The following RNF41 variants were observed in gnomAD, a reference collection of about 807,000 sequenced individuals.
RNF41 encodes the protein E3 ubiquitin-protein ligase NRDP1.
A neutral mutation model predicts 33.0 loss-of-function variants in RNF41; 4 were observed. The ratio of observed to expected loss-of-function variants is 0.12; its 90% CI spans 0.06 to 0.28. RNF41 has a LOEUF of 0.28. RNF41 is among the 10% of genes least tolerant of loss of function. The probability of loss-of-function intolerance (pLI) is 1.00; values close to 1 mark genes in which losing one functional copy is unlikely to be tolerated. For missense variants in RNF41, 228 were observed against 432.6 expected, an observed-to-expected ratio of 0.53 and a Z score of 4.19; for synonymous variants, 164 against 153.2, an observed-to-expected ratio of 1.07 and a Z score of -0.52.
Position 56,207,615 on chromosome 12 carries a change from G to A in RNF41, c.602+31C>T, listed in dbSNP as rs752014483. The A allele has an allele frequency of 6.7e-6, 10 of 1,503,580 alleles. No homozygotes were observed. The South Asian group carries it at 1.1e-4, about 17-fold the overall frequency. The allele number at this position is 1,503,580 out of a possible 1,614,324, so 93.1% of individuals were successfully genotyped here. ...CTTTCAGGCCTTGTTGTCAGGACAT[G>A]AAATCACTCCACGTCCTGAGTGACA... On this transcript the variant is annotated intron_variant, in intron 6 of 6. Coordinates refer to ENST00000345093, the MANE Select transcript of RNF41 (RefSeq NM_005785.4).
At position 56,203,226 on chromosome 12, in the gene RNF41, C is replaced by G. The variant is rs1878668592; in HGVS notation, c.*3221G>C. The G allele has an allele frequency of 2.0e-5, 3 of 151,934 alleles. No homozygotes were observed. Among genetic ancestry groups the G allele is most frequent in the Non-Finnish European group, 4.4e-5 (3 of 68,018 alleles). The allele number at this position is 151,934 out of a possible 1,614,324, so 9.4% of individuals were successfully genotyped here. ...TTGAGACAGGCTCTTGCTCTGTCACCAGGCTGGAGTGCAGTGGCATGATCT... is the reference window on the plus strand; with the variant it reads ...TTGAGACAGGCTCTTGCTCTGTCACGAGGCTGGAGTGCAGTGGCATGATCT... On this transcript the variant is annotated 3_prime_UTR_variant, in exon 7 of 7. Transcript: ENST00000345093.
In RNF41 at chr12:56,210,628, A is replaced by C. The variant is rs1592352437; in HGVS notation, c.91-60T>G. 2.8e-6 allele frequency: 4 copies of C among 1,427,356 alleles called. No homozygotes were observed. The East Asian group carries it at 1.0e-4, about 37-fold the overall frequency. The allele number at this position is 1,427,356 out of a possible 1,614,324, so 88.4% of individuals were successfully genotyped here. A position where few individuals can be genotyped will look rare whatever the true frequency, so the allele number is the denominator to read the frequency against. On this transcript the variant is annotated intron_variant, in intron 3 of 6. Transcript: ENST00000345093. ...GAATTAGCAGGACCTAAGAGCCTGG[A>C]TATGATATAACTCTACAAAGCCAAT...
At chr12:56,208,587 G>A (rs983706557) in intron 4 of RNF41, 4 of 186,988 alleles carry the variant, frequency 2.1e-5, no homozygotes, top group South Asian at 1.3e-4. Context: ...TTTTTGACAC[G>A]GAGTTTCGCT....
chr12:56,220,302 C>A (rs573480748), intron 1 of RNF41, among the ~76,000 whole-genome samples: 1 of 151,984 alleles, frequency 6.6e-6, no homozygotes, highest in East Asian at 2.0e-4. Context: ...GCAACCTCTG[C>A]CTCCTGGGTT....
intron 1 of RNF41, among the ~76,000 whole-genome samples, chr12:56,219,941 G>A (rs907144474): frequency 1.3e-5 from 2 of 151,694 alleles, no homozygotes; most frequent in Admixed American, 1.3e-4. Flanking sequence ...CAACTGAGCC[G>A]AGGAGGCAGA....
chr12:56,213,041 A>C, intron 3 of RNF41: 1 of 1,289,742 alleles, frequency 7.8e-7, no homozygotes, highest in Non-Finnish European at 1.0e-6. Flanking sequence ...GGATGATACA[A>C]CTGACTCTGG....
chr12:56,219,199 A>T (rs12425596), intron 1 of RNF41, among the ~76,000 whole-genome samples: 106,353 of 136,496 alleles, frequency 0.78, 43,030 homozygotes, highest in East Asian at 0.98. Flanking sequence ...TTATTTATTT[A>T]TTTTTTTTTT....
intron 2 of RNF41, among the ~76,000 whole-genome samples, chr12:56,215,651 G>A (rs926051154): frequency 2.7e-5 from 4 of 150,554 alleles, no homozygotes; most frequent in South Asian, 2.1e-4. Context: ...CCCAGGAGGC[G>A]GAGGTTGCAG....
intron 3 of RNF41, among the ~76,000 whole-genome samples, chr12:56,210,924 C>T (rs978516878): frequency 5.9e-5 from 9 of 152,090 alleles, no homozygotes; most frequent in Admixed American, 1.3e-4. Context: ...CAGTGGCTCA[C>T]GCCTGTAATC....
At chr12:56,207,514 T>G in intron 6 of RNF41, 132 bp downstream of exon 6, 1 of 800,812 alleles carries the variant, frequency 1.2e-6, no homozygotes, top group Middle Eastern at 2.8e-4. Flanking sequence ...CTGTCCTTAA[T>G]GCCAATATCT....
In RNF41 at chr12:56,203,129, A is replaced by G. The variant is rs989858293; in HGVS notation, c.*3318T>C. 2 of 151,934 alleles carry G rather than the reference A, an allele frequency of 1.3e-5. No homozygotes were observed. The highest frequency in any genetic ancestry group is 4.8e-5 in the African/African-American group (2 of 41,324). 9.4% of individuals were successfully genotyped at this position (151,934 alleles called of 1,614,324 possible). On this transcript the variant is annotated 3_prime_UTR_variant, in exon 7 of 7. Coordinates refer to ENST00000345093, the MANE Select transcript of RNF41 (RefSeq NM_005785.4). ...TAGGTTTACATCAGGTGCATGATAA[A>G]TGCTCAAATTTAAAACAAACTTCTG...
chr12:56,212,917 A>C, intron 3 of RNF41: 5 of 1,010,380 alleles, frequency 4.9e-6, no homozygotes, highest in Non-Finnish European at 6.8e-6. Flanking sequence ...GTATTTACAG[A>C]ATGAGGGCAA....
At position 56,206,479 on chromosome 12, in the gene RNF41, T is replaced by C; in HGVS notation, c.922A>G (p.Met308Val). The change falls in exon 7 of 7, where the codon ATG becomes GTG. Residue 308 changes from methionine (M) to valine (V), a missense_variant. This residue lies in a region of RNF41 where 199 missense variants were observed against 334.6 expected (regional missense o/e 0.59). Coordinates refer to ENST00000345093, the MANE Select transcript of RNF41 (RefSeq NM_005785.4). This position sits in a 1 kb window ranked among gnomAD's most constrained non-coding sequence, Gnocchi z 5.7. The part of the protein sequence containing the change: ...DDMVQEPGLV[M>V]IFAHGVEEI ...TCTTCCACGCCATGCGCAAATATCA[T>C]GACAAGGCCTGGCTCTTGCACCATG... is the stretch of plus-strand genomic sequence containing the variant. 1 of 1,613,916 alleles carries C rather than the reference T, an allele frequency of 6.2e-7. No homozygotes were observed. Among genetic ancestry groups the C allele is most frequent in the South Asian group, 1.1e-5 (1 of 91,062 alleles).
chr12:56,215,995 A>G (rs911825812), intron 2 of RNF41, among the ~76,000 whole-genome samples: 1 of 151,866 alleles, frequency 6.6e-6, no homozygotes, highest in Admixed American at 6.6e-5. Context: ...GGTGGTGGGC[A>G]CCTGTAATCC....
intron 3 of RNF41, among the ~76,000 whole-genome samples, chr12:56,212,493 T>G (rs1324086393): frequency 6.6e-6 from 1 of 152,136 alleles, no homozygotes; most frequent in African/African-American, 2.4e-5. Context: ...TGTCACCAAC[T>G]ACGACTCACC....
rs76280383 is a variant in RNF41, at chr12:56,209,692, C to T, written c.362+605G>A. ...CAGGATGGTCTCAATCTCCTGACCT[C>T]GTGATCCACCCGCCTTGGCCTCCCA... On this transcript the variant is annotated intron_variant, in intron 4 of 6. Transcript: ENST00000345093. 6.9e-3 allele frequency among the ~76,000 whole-genome samples: 1,053 copies of T among 152,042 alleles called. 53 individuals are homozygous for T. The East Asian group carries it at 0.15, about 22-fold the overall frequency.
intron 2 of RNF41, 139 bp from the exon 3 acceptor site, chr12:56,214,209 G>C (rs1197807844): frequency 1.6e-6 from 1 of 610,294 alleles, no homozygotes; most frequent in African/African-American, 1.8e-5. Flanking sequence ...CATTTGGCTC[G>C]GTGGAAGCTG....
rs1315246761 is a variant in RNF41, at chr12:56,221,769, A to C, written c.-218T>G. On this transcript the variant is annotated 5_prime_UTR_variant, in exon 1 of 7. Coordinates refer to ENST00000345093, the MANE Select transcript of RNF41 (RefSeq NM_005785.4). ...CAGGCGCAGTACGCACCGCCCTGGA[A>C]GCGGCCTGGAGTCTCCGCAACCTGA... 6.6e-6 allele frequency: 1 copy of C among 152,360 alleles called. No individual in the cohort carries two copies. The highest frequency in any genetic ancestry group is 1.5e-5 in the Non-Finnish European group (1 of 68,190). 9.4% of individuals were successfully genotyped at this position (152,360 alleles called of 1,614,324 possible).
intron 1 of RNF41, among the ~76,000 whole-genome samples, chr12:56,218,266 T>A (rs183982972): frequency 6.6e-6 from 1 of 151,542 alleles, no homozygotes; most frequent in African/African-American, 2.4e-5. Flanking sequence ...CATAAATTAT[T>A]ATTATTTTTT....
Sources: allele counts gnomAD v4.1 joint callset (sites outside exome capture counted in the v4.1 genomes callset), GRCh38; gene constraint gnomAD v4.1.1; regional missense constraint gnomAD v4.1.1; non-coding constraint Gnocchi (gnomAD v3.1); transcripts MANE v1.5; gene names NCBI Gene and HGNC (gene_info 2026-07-23, HGNC 2026-07-21).